The following TLCD4 variants were observed in gnomAD, a reference collection of about 807,000 sequenced individuals.
TLCD4 encodes the protein TLC domain containing 4.
In TLCD4, 7 loss-of-function variants were observed where a neutral mutation model predicts 24.2. The ratio of observed to expected loss-of-function variants is 0.29; its 90% CI spans 0.16 to 0.54. The LOEUF is 0.54. Ranked by LOEUF, TLCD4 falls within the 20% of genes least tolerant of loss-of-function variation. TLCD4 has a pLI of 0.95. For missense variants in TLCD4, 259 were observed against 313.9 expected (o/e 0.82, Z 1.32); for synonymous variants, 103 against 106.4 (o/e 0.97, Z 0.20).
rs1571744480 is a variant in TLCD4, at chr1:95,148,703, G to A, written c.157G>A (p.Val53Ile). The A allele has an allele frequency of 6.2e-7, 1 of 1,613,334 alleles. No homozygotes were observed. Among genetic ancestry groups the A allele is most frequent in the Non-Finnish European group, 8.5e-7 (1 of 1,179,666 alleles). Reference protein sequence around the residue: ...FKKKIEWNSRVVSTCHSLVVG... With the variant: ...FKKKIEWNSRIVSTCHSLVVG... ...TGTGTGTATTTTGTTTAATTTCAGG[G>A]TAGTATCCACATGCCATTCTTTGGT... Residue 53 changes from valine (V) to isoleucine (I), a missense_variant and splice_region_variant, in exon 3 of 7, where the codon GTA (valine) becomes ATA (isoleucine). Physicochemically the swap from Val to Ile is conservative, Grantham distance 29 (BLOSUM62 3). Transcript: ENST00000370203.
chr1:95,158,437 C>A (rs1677691429), intron 5 of TLCD4, among the ~76,000 whole-genome samples: 1 of 152,072 alleles, frequency 6.6e-6, no homozygotes, highest in Admixed American at 6.6e-5. Flanking sequence ...CCTGCCTCAG[C>A]CTCCCAAAGT....
intron 1 of TLCD4, among the ~76,000 whole-genome samples, chr1:95,127,266 C>T (rs1676766271): frequency 6.6e-6 from 1 of 152,084 alleles, no homozygotes; most frequent in African/African-American, 2.4e-5. Context: ...CATTTAATAC[C>T]ACTTCCTTTC....
At chr1:95,107,068 T>C in the TLCD4 span, among the ~76,000 whole-genome samples, 2 of 152,196 alleles carry the variant, frequency 1.3e-5, no homozygotes, top group African/African-American at 4.8e-5. Context: ...GTAAATTTTA[T>C]TGGGAGATAA....
At chr1:95,127,753 G>C (rs1358365538) in intron 1 of TLCD4, among the ~76,000 whole-genome samples, 1 of 152,208 alleles carries the variant, frequency 6.6e-6, no homozygotes, top group Non-Finnish European at 1.5e-5. Flanking sequence ...CAAGGCTGGA[G>C]TCCAGTGTTT....
intron 1 of TLCD4, among the ~76,000 whole-genome samples, chr1:95,126,394 C>T (rs1193838243): frequency 6.7e-6 from 1 of 148,158 alleles, no homozygotes; most frequent in Non-Finnish European, 1.5e-5. Context: ...CTCCACTGCA[C>T]TCCAGCCCAG....
At chr1:95,140,187 A>T (rs1401788978) in intron 1 of TLCD4, among the ~76,000 whole-genome samples, 1 of 152,196 alleles carries the variant, frequency 6.6e-6, no homozygotes, top group Non-Finnish European at 1.5e-5. Flanking sequence ...CCAGTAACAT[A>T]GTCATTTATT....
rs1000606352 is a variant in TLCD4, at chr1:95,192,733, C to T, written c.*865C>T. The T allele has an allele frequency of 6.6e-6, 1 of 152,114 alleles. No homozygotes were observed. The highest frequency in any genetic ancestry group is 2.4e-5 in the African/African-American group (1 of 41,426). 9.4% of individuals were successfully genotyped at this position (152,114 alleles called of 1,614,324 possible). A position where few individuals can be genotyped will look rare whatever the true frequency, so the allele number is the denominator to read the frequency against. On this transcript the variant is annotated 3_prime_UTR_variant, in exon 7 of 7. Transcript: ENST00000370203. ...CACCTATTAATGATGAAATATTTTACCACTTTGGGAATATTTAATTAGTTT... is the reference window on the plus strand; with the variant it reads ...CACCTATTAATGATGAAATATTTTATCACTTTGGGAATATTTAATTAGTTT...
Position 95,143,930 on chromosome 1 carries a change from G to A in TLCD4, c.29G>A (p.Ser10Asn), listed in dbSNP as rs753327699. 3 of 1,543,080 alleles carry A rather than the reference G, an allele frequency of 1.9e-6. No homozygotes were observed. The highest frequency in any genetic ancestry group is 1.3e-5 in the South Asian group (1 of 77,942). The stretch of plus-strand genomic sequence containing the variant: ...GAGATCAACACAAAACTGCTCATCA[G>A]TGTTACCTGTATCAGCTTTTTCACC... Reference protein sequence around the residue: MEINTKLLISVTCISFFTFQ... With the variant: MEINTKLLINVTCISFFTFQ... Residue 10 changes from serine (S) to asparagine (N), a missense_variant, in exon 2 of 7, where the codon AGT becomes AAT. Physicochemically the swap from Ser to Asn is conservative, Grantham distance 46. Coordinates refer to ENST00000370203, the MANE Select transcript of TLCD4 (RefSeq NM_152487.3).
In TLCD4 at chr1:95,192,823, C is replaced by T. The variant is rs1679070687; in HGVS notation, c.*955C>T. 1 of 152,098 alleles carries T rather than the reference C, an allele frequency of 6.6e-6. No homozygotes were observed. The highest frequency in any genetic ancestry group is 1.5e-5 in the Non-Finnish European group (1 of 67,980). The allele number at this position is 152,098 out of a possible 1,614,324, so 9.4% of individuals were successfully genotyped here. ...AATATCACTGTCATTTCTATTTTAG[C>T]ATTTTATCAAATTATTGCTTTTTTA... is the stretch of plus-strand genomic sequence containing the variant. On this transcript the variant is annotated 3_prime_UTR_variant, in exon 7 of 7. Transcript: ENST00000370203.
intron 5 of TLCD4, among the ~76,000 whole-genome samples, chr1:95,162,445 CTCTT>C (rs1368706770): frequency 1.7e-4 from 26 of 151,182 alleles, no homozygotes; most frequent in Admixed American, 1.7e-3. Context: ...TGGGACTTGA[CTCTT>C]TATCCAATTT....
At chr1:95,137,780 G>T (rs942061608) in intron 1 of TLCD4, among the ~76,000 whole-genome samples, 1 of 150,838 alleles carries the variant, frequency 6.6e-6, no homozygotes, top group South Asian at 2.1e-4. Flanking sequence ...GGTCACCCAG[G>T]CCTGAGTGCC....
the TLCD4 span, among the ~76,000 whole-genome samples, chr1:95,104,945 C>T: frequency 6.6e-6 from 1 of 151,868 alleles, no homozygotes; most frequent in Admixed American, 6.6e-5. Context: ...TTGATTGATC[C>T]CAGATGGTCA....
chr1:95,140,460 A>T (rs1304112250), intron 1 of TLCD4, among the ~76,000 whole-genome samples: 1 of 152,132 alleles, frequency 6.6e-6, no homozygotes, highest in Admixed American at 6.6e-5. Context: ...AGACCTTTTC[A>T]TGTTTTTCCC....
intron 6 of TLCD4, among the ~76,000 whole-genome samples, chr1:95,179,672 A>G (rs919197120): frequency 2.0e-5 from 3 of 152,226 alleles, no homozygotes; most frequent in Non-Finnish European, 4.4e-5. Context: ...AGAAAAAAAT[A>G]TGTAGCTTCC....
the TLCD4 span, among the ~76,000 whole-genome samples, chr1:95,099,592 G>T: frequency 6.6e-6 from 1 of 151,986 alleles, no homozygotes; most frequent in East Asian, 1.9e-4. Context: ...AGCATAAGTA[G>T]GTATTTAATA....
chr1:95,177,718 A>G (rs1044123567), intron 6 of TLCD4, among the ~76,000 whole-genome samples: 6 of 152,170 alleles, frequency 3.9e-5, no homozygotes, highest in African/African-American at 1.2e-4. Flanking sequence ...CTTGAGTTAC[A>G]TAGCTTATAT....
chr1:95,137,776 C>T (rs1255247226), intron 1 of TLCD4, among the ~76,000 whole-genome samples: 2 of 151,770 alleles, frequency 1.3e-5, no homozygotes, highest in African/African-American at 4.9e-5. Context: ...GCACGGTCAC[C>T]CAGGCCTGAG....
intron 5 of TLCD4, among the ~76,000 whole-genome samples, chr1:95,155,003 C>T (rs144676837): frequency 2.6e-5 from 4 of 151,822 alleles, no homozygotes; most frequent in African/African-American, 7.2e-5. Flanking sequence ...AACATATAGT[C>T]GTAGTGTAGT....
At chr1:95,189,553 C>T (rs1012856363) in intron 6 of TLCD4, among the ~76,000 whole-genome samples, 6 of 152,090 alleles carry the variant, frequency 3.9e-5, no homozygotes, top group African/African-American at 1.4e-4. Flanking sequence ...CCTACTCAAT[C>T]CCCTTCCACT....
Sources: gnomAD v4.1 joint callset for allele counts (sites outside exome capture counted in the v4.1 genomes callset) on GRCh38, gnomAD v4.1.1 for gene constraint, MANE v1.5 for transcripts, NCBI Gene and HGNC (gene_info 2026-07-23, HGNC 2026-07-21) for gene names.